The following ATP6V1C2 variants were observed in gnomAD, a reference collection of about 807,000 sequenced individuals.
ATP6V1C2 encodes V-type proton ATPase subunit C 2.
In ATP6V1C2, 45 loss-of-function variants were observed where a neutral mutation model predicts 56.8. The observed-to-expected ratio is 0.79, with a 90% CI of 0.62 to 1.02. The LOEUF (loss-of-function observed/expected upper bound fraction) is 1.02. Among genes scored for constraint, ATP6V1C2 ranks in the 50% least tolerant of loss-of-function variants. The probability of loss-of-function intolerance (pLI) is 0.00; values close to 1 mark genes in which losing one functional copy is unlikely to be tolerated. For synonymous variants in ATP6V1C2, 220 were observed against 201.3 expected, an observed-to-expected ratio of 1.09 and a Z score of -0.79; for missense variants, 463 against 519.7, an observed-to-expected ratio of 0.89 and a Z score of 1.06.
intron 3 of ATP6V1C2, among the ~76,000 whole-genome samples, chr2:10,744,669 C>CTTTTT (rs772851204): frequency 3.2e-5 from 4 of 125,562 alleles, no homozygotes; most frequent in Non-Finnish European, 3.3e-5. Flanking sequence ...TTCTCTTTTT[C>CTTTTT]TTTTTTTTTT....
At chr2:10,754,296 G>A (rs1374814201) in intron 4 of ATP6V1C2, among the ~76,000 whole-genome samples, 1 of 152,126 alleles carries the variant, frequency 6.6e-6, no homozygotes, top group Non-Finnish European at 1.5e-5. Flanking sequence ...TGCAATCTTG[G>A]CTCACTGCAA....
intron 3 of ATP6V1C2, among the ~76,000 whole-genome samples, chr2:10,735,636 C>T (rs1307258028): frequency 6.6e-6 from 1 of 151,172 alleles, no homozygotes; most frequent in East Asian, 1.9e-4. Context: ...CTCTGTCACC[C>T]ATGCTAGTGT....
chr2:10,734,542 C>G (rs897164906), intron 3 of ATP6V1C2, among the ~76,000 whole-genome samples: 5 of 152,140 alleles, frequency 3.3e-5, no homozygotes, highest in African/African-American at 1.2e-4. Context: ...AGCTGGGCAG[C>G]CCGTTAGAGA....
rs1181614051 is a variant in ATP6V1C2 at position 10,735,790 on chromosome 2, G to A, written c.197+9221G>A. On this transcript the variant is annotated intron_variant, in intron 3 of 13. Transcript: ENST00000272238. ...TTTGTAGAGATGGGGGTCTCTTTAT[G>A]TTGCCCAGGCTGGTCTCAAACTCCT... is the stretch of plus-strand genomic sequence containing the variant. 2.0e-5 allele frequency among the ~76,000 whole-genome samples: 3 copies of A among 150,696 alleles called. 1 individual carries two copies. The highest frequency in any genetic ancestry group is 7.3e-5 in the African/African-American group (3 of 40,890).
At chr2:10,772,165 A>C (rs1366341335) in intron 7 of ATP6V1C2, among the ~76,000 whole-genome samples, 1 of 152,240 alleles carries the variant, frequency 6.6e-6, no homozygotes, top group Admixed American at 6.5e-5. Flanking sequence ...CACTTGCTAT[A>C]TACCCAATGT....
chr2:10,764,495 C>G, intron 5 of ATP6V1C2, 70 bp downstream of exon 5: 1 of 1,323,960 alleles, frequency 7.6e-7, no homozygotes, highest in Non-Finnish European at 1.1e-6. Context: ...GGGTAGGGCC[C>G]CCCTGCCAAC....
Position 10,766,884 on chromosome 2 carries a change from A to C in ATP6V1C2, c.379-1835A>C, listed in dbSNP as rs57705272. On this transcript the variant is annotated intron_variant, in intron 5 of 13. Coordinates refer to ENST00000272238, the MANE Select transcript of ATP6V1C2 (RefSeq NM_001039362.2). Reference sequence around the variant, plus strand: ...ATATAGTTGCATAGTACAGTATGGTATGTAGTTGTATAGTGCAGAATAGTA... The same window carrying C: ...ATATAGTTGCATAGTACAGTATGGTCTGTAGTTGTATAGTGCAGAATAGTA... Among the ~76,000 whole-genome samples the C allele has an allele frequency of 3.6e-3, 546 of 152,278 alleles. 2 individuals carry two copies. The highest frequency in any genetic ancestry group is 0.013 in the African/African-American group (520 of 41,572).
At position 10,784,911 on chromosome 2, in the gene ATP6V1C2, C is replaced by G. The variant is rs750813976; in HGVS notation, c.*1648C>G. 5.0e-5 allele frequency: 75 copies of G among 1,503,010 alleles called. 1 individual carries two copies. In the Middle Eastern group the frequency reaches 8.5e-4, roughly 17 times the overall value. 93.1% of individuals were successfully genotyped at this position (1,503,010 alleles called of 1,614,324 possible). ...GAGTAAACCAGGACTGCTGCCCGCACAGCTTCCCTCCCGGGCACTCACCTC... is the reference window on the plus strand; with the variant it reads ...GAGTAAACCAGGACTGCTGCCCGCAGAGCTTCCCTCCCGGGCACTCACCTC... On this transcript the variant is annotated 3_prime_UTR_variant, in exon 14 of 14. Transcript: ENST00000272238.
chr2:10,782,829 CAAAAAAAAAAAAAAA>C (rs60533807), intron 13 of ATP6V1C2, among the ~76,000 whole-genome samples: 6 of 52,224 alleles, frequency 1.1e-4, no homozygotes, highest in East Asian at 1.6e-3. Context: ...GACTCTGTCT[CAAAAAAAAAAAAAAA>C]AAAAAAAAAA....
At chr2:10,766,370 C>G (rs1021224107) in intron 5 of ATP6V1C2, among the ~76,000 whole-genome samples, 1 of 152,188 alleles carries the variant, frequency 6.6e-6, no homozygotes, top group African/African-American at 2.4e-5. Flanking sequence ...TATCATCTCA[C>G]AATAATTCCA....
chr2:10,759,433 C>G (rs1340932140), intron 4 of ATP6V1C2, among the ~76,000 whole-genome samples: 1 of 152,214 alleles, frequency 6.6e-6, no homozygotes, highest in African/African-American at 2.4e-5. Context: ...GTCCCTCATG[C>G]TGCTGCCTGC....
At chr2:10,758,481 G>A (rs1663683614) in intron 4 of ATP6V1C2, among the ~76,000 whole-genome samples, 1 of 152,118 alleles carries the variant, frequency 6.6e-6, no homozygotes, top group African/African-American at 2.4e-5. Flanking sequence ...AGGCTGTAGG[G>A]AGGCTGAGGT....
chr2:10,751,731 C>T (rs1045315860), intron 3 of ATP6V1C2, among the ~76,000 whole-genome samples: 16 of 152,056 alleles, frequency 1.1e-4, no homozygotes, highest in African/African-American at 3.1e-4. Context: ...GGAATTTTTA[C>T]GAGGATTAAA....
chr2:10,776,264 C>T (rs1664967217), intron 10 of ATP6V1C2, among the ~76,000 whole-genome samples: 2 of 110,572 alleles, frequency 1.8e-5, no homozygotes, highest in Non-Finnish European at 3.9e-5. Context: ...GGCGCTCACA[C>T]ACGTGTGTGT....
chr2:10,749,500 A>AT (rs1663097489), intron 3 of ATP6V1C2, among the ~76,000 whole-genome samples: 1 of 152,148 alleles, frequency 6.6e-6, no homozygotes, highest in Non-Finnish European at 1.5e-5. Flanking sequence ...ACGAGATATA[A>AT]TTTTTCAGAC....
At chr2:10,772,677 A>T (rs1664701133) in intron 8 of ATP6V1C2, 67 bp downstream of exon 8, 1 of 1,356,106 alleles carries the variant, frequency 7.4e-7, no homozygotes, top group African/African-American at 1.4e-5. Context: ...AGGGCACCCA[A>T]CCACCAAACA....
At chr2:10,730,490 C>T (rs1353995568) in intron 3 of ATP6V1C2, among the ~76,000 whole-genome samples, 1 of 151,976 alleles carries the variant, frequency 6.6e-6, no homozygotes. Flanking sequence ...TTGCTATTTA[C>T]CTTCTGATTG....
At chr2:10,733,782 T>C (rs1415119997) in intron 3 of ATP6V1C2, among the ~76,000 whole-genome samples, 2 of 152,260 alleles carry the variant, frequency 1.3e-5, no homozygotes, top group Non-Finnish European at 2.9e-5. Context: ...TTCTGGGTGC[T>C]GTGGTGCTTG....
intron 1 of ATP6V1C2, among the ~76,000 whole-genome samples, chr2:10,722,105 AAAGGGGG>A (rs1661400979): frequency 6.6e-6 from 1 of 152,098 alleles, no homozygotes; most frequent in African/African-American, 2.4e-5. Flanking sequence ...AGGCAAGCGG[AAAGGGGG>A]AACCTGGCCG....
Sources: gnomAD v4.1 joint callset for allele counts (sites outside exome capture counted in the v4.1 genomes callset) on GRCh38, gnomAD v4.1.1 for gene constraint, MANE v1.5 for transcripts, NCBI Gene and HGNC (gene_info 2026-07-23, HGNC 2026-07-21) for gene names.